Variants in SMG9 observed in about 807,000 individuals in gnomAD.
SMG9 encodes the protein SMG9 nonsense mediated mRNA decay factor, also known as nonsense-mediated mRNA decay factor SMG9.
Under a neutral mutation model 64.0 loss-of-function variants are expected in SMG9, and 55 were observed. That is an observed-to-expected ratio of 0.86 (90% CI 0.69 to 1.08). The LOEUF (loss-of-function observed/expected upper bound fraction) is 1.08. Ranked by LOEUF, SMG9 falls within the 50% of genes least tolerant of loss-of-function variation. The pLI, the probability that SMG9 is intolerant of heterozygous loss-of-function variation, is 0.00. For synonymous variants in SMG9, 244 were observed against 254.8 expected, an observed-to-expected ratio of 0.96 and a Z score of 0.41; for missense variants, 554 against 681.3, an observed-to-expected ratio of 0.81 and a Z score of 2.08.
chr19:43,747,008 G>T (rs1969032680), intron 5 of SMG9, among the ~76,000 whole-genome samples: 1 of 152,030 alleles, frequency 6.6e-6, no homozygotes. Flanking sequence ...GGTAGAAATG[G>T]AGTATTCCTA....
chr19:43,733,169 C>T lies in SMG9; in HGVS notation c.1339+155G>A, dbSNP rs900304060. The T allele has an allele frequency of 1.4e-5, 19 of 1,342,210 alleles. No individual in the cohort carries two copies. The African/African-American group carries it at 2.5e-4, about 18-fold the overall frequency. 83.1% of individuals were successfully genotyped at this position (1,342,210 alleles called of 1,614,324 possible). On this transcript the variant is annotated intron_variant, in intron 12 of 13. Coordinates refer to ENST00000270066, the MANE Select transcript of SMG9 (RefSeq NM_019108.4). ...CTCCTAATAAAGGGTCCACACACCC[C>T]AGGAACAAACCAGGATCTTCTCTCA...
rs1968543639 is a variant in SMG9 at position 43,733,262 on chromosome 19, T to C, written c.1339+62A>G. On this transcript the variant is annotated intron_variant, in intron 12 of 13. Coordinates refer to ENST00000270066, the MANE Select transcript of SMG9 (RefSeq NM_019108.4). ...TGTCGCCTCCTAGACCAGTGGGTGC[T>C]GGGTCTCTCTCTGATCAGGATAGGA... The C allele has an allele frequency of 3.3e-5, 53 of 1,583,260 alleles. No individual in the cohort carries two copies. In the South Asian group the frequency reaches 5.9e-4, roughly 18 times the overall value.
intron 2 of SMG9, chr19:43,750,198 T>C (rs1568382662): frequency 1.9e-6 from 1 of 526,906 alleles, no homozygotes; most frequent in Non-Finnish European, 3.8e-6. Context: ...CCCCAGTTAC[T>C]TGACTTCATC....
intron 6 of SMG9, 29 bp from the exon 7 acceptor site, chr19:43,740,247 G>T: frequency 6.7e-7 from 1 of 1,503,028 alleles, no homozygotes; most frequent in Non-Finnish European, 9.3e-7. Context: ...AGGGGTGTGT[G>T]AGAGCTCTGG....
rs572604309 is a variant in SMG9 at position 43,729,145 on chromosome 19, A to G, written c.*2451T>C. 1.9e-4 allele frequency: 107 copies of G among 555,184 alleles called. 2 individuals are homozygous for G. The South Asian group carries it at 4.6e-3, about 24-fold the overall frequency. The allele number at this position is 555,184 out of a possible 1,614,324, so 34.4% of individuals were successfully genotyped here. ...ACTCCTCTGTCAAACTGCCTCAACG[A>G]GCCAGCCCCTGCACAAAACCCTGGA... is the stretch of plus-strand genomic sequence containing the variant. On this transcript the variant is annotated 3_prime_UTR_variant, in exon 14 of 14. Coordinates refer to ENST00000270066, the MANE Select transcript of SMG9 (RefSeq NM_019108.4).
chr19:43,731,332 C>T lies in SMG9; in HGVS notation c.*264G>A, dbSNP rs572726861. 3.9e-6 allele frequency: 5 copies of T among 1,266,358 alleles called. No homozygotes were observed. Among genetic ancestry groups the T allele is most frequent in the Admixed American group, 3.9e-5 (1 of 25,688 alleles). The allele number at this position is 1,266,358 out of a possible 1,614,324, so 78.4% of individuals were successfully genotyped here. A position where few individuals can be genotyped will look rare whatever the true frequency, so the allele number is the denominator to read the frequency against. ...CTGGTGACCATTCAGACTCCTCCCA[C>T]TGCTTGTCCCTGTGGAGGACACAGG... On this transcript the variant is annotated 3_prime_UTR_variant, in exon 14 of 14. Coordinates refer to ENST00000270066, the MANE Select transcript of SMG9 (RefSeq NM_019108.4).
intron 6 of SMG9, among the ~76,000 whole-genome samples, chr19:43,744,049 T>C (rs1968924990): frequency 6.6e-6 from 1 of 152,162 alleles, no homozygotes; most frequent in Non-Finnish European, 1.5e-5. Flanking sequence ...TTCCCTTTCC[T>C]TCTCTGCCCC....
chr19:43,753,395 G>A (rs1051983334), intron 1 of SMG9, among the ~76,000 whole-genome samples: 8 of 150,700 alleles, frequency 5.3e-5, no homozygotes, highest in Admixed American at 4.6e-4. Flanking sequence ...TGAGGTTTCT[G>A]TTTACTGGCC....
Position 43,734,418 on chromosome 19 carries a change from T to C in SMG9, c.1073A>G (p.Asp358Gly). 6.4e-7 allele frequency: 1 copy of C among 1,558,834 alleles called. No individual in the cohort carries two copies. The highest frequency in any genetic ancestry group is 8.7e-7 in the Non-Finnish European group (1 of 1,150,714). Residue 358 changes from aspartate to glycine, a missense_variant, in exon 10 of 14, where the codon GAT becomes GGT. By Grantham distance (94) the Asp-to-Gly change is moderately conservative (BLOSUM62 -1). Transcript: ENST00000270066. Reference sequence around the variant, plus strand: ...GTGGGGGTAGTACTCGGTGCCTTCATCGGAGCCCGATGAGCTGCTGGACTC... The same window carrying C: ...GTGGGGGTAGTACTCGGTGCCTTCACCGGAGCCCGATGAGCTGCTGGACTC... ...SHESSSSSGS[D>G]EGTEYYPHLV...
chr19:43,738,502 G>A (rs1008516967), intron 7 of SMG9, among the ~76,000 whole-genome samples: 1 of 151,894 alleles, frequency 6.6e-6, no homozygotes, highest in Non-Finnish European at 1.5e-5. Flanking sequence ...TCCCTTAAAG[G>A]CTCATTTTGT....
In SMG9 at chr19:43,731,557, A is replaced by G; in HGVS notation, c.*39T>C. On this transcript the variant is annotated 3_prime_UTR_variant, in exon 14 of 14. Transcript: ENST00000270066. The stretch of plus-strand genomic sequence containing the variant: ...TGTGCTCCCTCGCAGTACACTGCGG[A>G]CCCAGGAGGTCCCCTGCATGACATT... 3.1e-6 allele frequency: 5 copies of G among 1,613,752 alleles called. No homozygotes were observed. Among genetic ancestry groups the G allele is most frequent in the Non-Finnish European group, 4.2e-6 (5 of 1,179,796 alleles).
chr19:43,742,021 G>A (rs1384606938), intron 6 of SMG9, among the ~76,000 whole-genome samples: 6 of 152,084 alleles, frequency 3.9e-5, no homozygotes, highest in African/African-American at 9.7e-5. Flanking sequence ...GGTGGTGCAC[G>A]CCTGTAATCC....
chr19:43,737,939 G>A, intron 8 of SMG9, 183 bp downstream of exon 8: 1 of 675,588 alleles, frequency 1.5e-6, no homozygotes. Flanking sequence ...TGCCTGAGGG[G>A]CAGAGCCAGG....
intron 9 of SMG9, among the ~76,000 whole-genome samples, chr19:43,735,941 G>C (rs1968652946): frequency 6.6e-6 from 1 of 152,144 alleles, no homozygotes; most frequent in Non-Finnish European, 1.5e-5. Context: ...TCTTTTATCT[G>C]TTTTGTTCAC....
chr19:43,748,549 C>A (rs1969098791), intron 2 of SMG9: 2 of 458,614 alleles, frequency 4.4e-6, no homozygotes, highest in African/African-American at 2.0e-5. Flanking sequence ...TGACACATGG[C>A]AGGTGCTCAC....
chr19:43,735,639 A>AAAAAAAAAAAAC (rs1568597015), intron 9 of SMG9, among the ~76,000 whole-genome samples: 1 of 148,590 alleles, frequency 6.7e-6, no homozygotes, highest in African/African-American at 2.5e-5. Flanking sequence ...AAAAAAAAAA[A>AAAAAAAAAAAAC]TCTGTGTGGT....
At chr19:43,734,727 TA>T in intron 9 of SMG9, 5 of 419,460 alleles carry the variant, frequency 1.2e-5, no homozygotes, top group Non-Finnish European at 2.1e-5. Flanking sequence ...ATTTTTTTTT[TA>T]AAGGCTATTT....
chr19:43,737,496 A>C (rs913648759), intron 9 of SMG9, 101 bp downstream of exon 9: 9 of 1,000,796 alleles, frequency 9.0e-6, no homozygotes, highest in Admixed American at 2.6e-5. Flanking sequence ...TTTTAAAAGG[A>C]TCCCTCTGGC....
intron 6 of SMG9, among the ~76,000 whole-genome samples, chr19:43,744,314 C>T (rs1466495480): frequency 6.6e-6 from 1 of 152,182 alleles, no homozygotes; most frequent in Non-Finnish European, 1.5e-5. Context: ...ATCGTATCAG[C>T]TACCATTCTG....
Sources: allele counts gnomAD v4.1 joint callset (sites outside exome capture counted in the v4.1 genomes callset), GRCh38; gene constraint gnomAD v4.1.1; transcripts MANE v1.5; gene names NCBI Gene and HGNC (gene_info 2026-07-23, HGNC 2026-07-21).